MAP4K3: variants seen among roughly 807,000 people sequenced by gnomAD.
MAP4K3 encodes the protein MAPK/ERK kinase kinase kinase 3.
A neutral mutation model predicts 143.5 loss-of-function variants in MAP4K3; 94 were observed. The ratio of observed to expected loss-of-function variants is 0.65; its 90% CI spans 0.55 to 0.78. The LOEUF (loss-of-function observed/expected upper bound fraction) is 0.78, where lower values mean the gene tolerates loss of function less well. MAP4K3 is among the 30% of genes least tolerant of loss of function. The pLI is 0.00. For synonymous variants in MAP4K3, 416 were observed against 347.2 expected, an observed-to-expected ratio of 1.20 and a Z score of -2.20; for missense variants, 1,077 against 1,068.1, an observed-to-expected ratio of 1.01 and a Z score of -0.12.
chr2:39,418,003 C>T (rs1667431479), intron 1 of MAP4K3, among the ~76,000 whole-genome samples: 1 of 152,038 alleles, frequency 6.6e-6, no homozygotes, highest in South Asian at 2.1e-4. Context: ...GAGACAAAGA[C>T]CATCCTGGCC....
chr2:39,426,513 T>C (rs543888088), intron 1 of MAP4K3, among the ~76,000 whole-genome samples: 1 of 152,036 alleles, frequency 6.6e-6, no homozygotes. Flanking sequence ...AGAATACACA[T>C]CAAAGTATTT....
At chr2:39,293,391 T>C in intron 16 of MAP4K3, 123 bp from the exon 17 acceptor site, 1 of 665,706 alleles carries the variant, frequency 1.5e-6, no homozygotes, top group Non-Finnish European at 2.5e-6. Context: ...TACCATTTAC[T>C]GAAAATTTGC....
intron 29 of MAP4K3, 91 bp downstream of exon 29, chr2:39,260,515 G>T: frequency 1.0e-6 from 1 of 973,194 alleles, no homozygotes. Flanking sequence ...GGCAGTATAT[G>T]CAGTTTTTCC....
chr2:39,345,785 G>C (rs1306037616), intron 3 of MAP4K3, among the ~76,000 whole-genome samples: 5 of 151,868 alleles, frequency 3.3e-5, no homozygotes, highest in African/African-American at 1.2e-4. Context: ...AGCCAGGCGT[G>C]GTGGTGGGTG....
chr2:39,327,182 G>A (rs1022018016), intron 8 of MAP4K3, among the ~76,000 whole-genome samples: 2 of 152,038 alleles, frequency 1.3e-5, no homozygotes, highest in East Asian at 1.9e-4. Flanking sequence ...AAAAAACTGC[G>A]ACCAGGCAAT....
At chr2:39,300,459 T>C (rs2148489128) in intron 15 of MAP4K3, among the ~76,000 whole-genome samples, 1 of 152,294 alleles carries the variant, frequency 6.6e-6, no homozygotes, top group South Asian at 2.1e-4. Context: ...TTTAAAAGGA[T>C]GAACAGTACA....
chr2:39,397,318 G>T (rs1666836287), intron 1 of MAP4K3, among the ~76,000 whole-genome samples: 3 of 152,012 alleles, frequency 2.0e-5, no homozygotes, highest in African/African-American at 4.8e-5. Context: ...AATATACAAA[G>T]ATCAATAATC....
In MAP4K3 at chr2:39,272,499, C is replaced by G. The variant is rs764517111; in HGVS notation, c.1838G>C (p.Cys613Ser). 4.3e-6 allele frequency: 7 copies of G among 1,612,974 alleles called. No individual in the cohort carries two copies. In the South Asian group the frequency reaches 6.6e-5, roughly 15 times the overall value. The change falls in exon 25 of 34, where the codon TGC becomes TCC. Residue 613 changes from cysteine to serine, a missense_variant. Coordinates refer to ENST00000263881, the MANE Select transcript of MAP4K3 (RefSeq NM_003618.4). ...ATACTTACCAGATATTGATAGCAAG[C>G]AATTGTTCATTACATACAACCATGT... is the stretch of plus-strand genomic sequence containing the variant. ...RCTWLYVMNNCLLSISGKASQ... is the reference protein window; with the variant it reads ...RCTWLYVMNNSLLSISGKASQ...
At chr2:39,292,713 T>C (rs769045581) in intron 18 of MAP4K3, 60 bp downstream of exon 18, 4 of 1,342,218 alleles carry the variant, frequency 3.0e-6, no homozygotes, top group Middle Eastern at 1.9e-4. Context: ...AGCTGCCAGA[T>C]TGATGAAATC....
chr2:39,420,409 TA>T (rs1349313314), intron 1 of MAP4K3, among the ~76,000 whole-genome samples: 1 of 152,186 alleles, frequency 6.6e-6, no homozygotes, highest in African/African-American at 2.4e-5. Flanking sequence ...ATGAATTCCA[TA>T]TTTTTTTTAA....
In MAP4K3 at chr2:39,288,121, C is replaced by G; in HGVS notation, c.1474G>C (p.Gly492Arg). The G allele has an allele frequency of 6.2e-7, 1 of 1,613,836 alleles. No individual in the cohort carries two copies. The highest frequency in any genetic ancestry group is 8.5e-7 in the Non-Finnish European group (1 of 1,179,892). Residue 492 changes from glycine (G) to arginine (R), a missense_variant and splice_region_variant, in exon 20 of 34, where the codon GGA becomes CGA. Gly to Arg is a moderately radical substitution (Grantham distance 125). This residue lies in a region of MAP4K3 where 864 missense variants were observed against 801.2 expected (regional missense o/e 1.08). Coordinates refer to ENST00000263881, the MANE Select transcript of MAP4K3 (RefSeq NM_003618.4). ...ATTTGCTGTCACCCTCCACCATTAC[C>G]TAAGGCAACAGGTTTGTGTGGGGGT... ...RLPPHKPVAL[G>R]NGMSSFQLNG...
At chr2:39,377,778 C>A (rs2148580531) in intron 2 of MAP4K3, among the ~76,000 whole-genome samples, 1 of 152,322 alleles carries the variant, frequency 6.6e-6, no homozygotes, top group South Asian at 2.1e-4. Context: ...TGGAAATAAA[C>A]CACTATCAGC....
chr2:39,356,742 A>G (rs539680215), intron 2 of MAP4K3, among the ~76,000 whole-genome samples: 12 of 152,350 alleles, frequency 7.9e-5, no homozygotes, highest in Admixed American at 2.0e-4. Flanking sequence ...AGTGCCTGGC[A>G]TGGAGTATGC....
chr2:39,337,814 G>A (rs774609832), intron 4 of MAP4K3, among the ~76,000 whole-genome samples: 1 of 138,838 alleles, frequency 7.2e-6, no homozygotes, highest in Non-Finnish European at 1.5e-5. Context: ...CCAGGCTGGA[G>A]TGTAGTGCAA....
At position 39,286,433 on chromosome 2, in the gene MAP4K3, C is replaced by A. The variant is rs1681780657; in HGVS notation, c.1587+419G>T. 2.0e-5 allele frequency among the ~76,000 whole-genome samples: 3 copies of A among 152,194 alleles called. No homozygotes were observed. In the South Asian group the frequency reaches 6.2e-4, roughly 32 times the overall value. Reference sequence around the variant, plus strand: ...CCTGATCTATAGTTAGAAATTTGTCCTGGGGTAGAAGCTACAGCTTTCTTT... The same window carrying A: ...CCTGATCTATAGTTAGAAATTTGTCATGGGGTAGAAGCTACAGCTTTCTTT... On this transcript the variant is annotated intron_variant, in intron 21 of 33. Coordinates refer to ENST00000263881, the MANE Select transcript of MAP4K3 (RefSeq NM_003618.4).
intron 29 of MAP4K3, among the ~76,000 whole-genome samples, chr2:39,259,351 T>C (rs1354717006): frequency 1.3e-5 from 2 of 152,104 alleles, no homozygotes; most frequent in Non-Finnish European, 2.9e-5. Flanking sequence ...ATGTCACAAG[T>C]CTCCCAGTGA....
chr2:39,252,732 A>C (rs771736518), intron 32 of MAP4K3, among the ~76,000 whole-genome samples: 2 of 152,216 alleles, frequency 1.3e-5, no homozygotes, highest in Non-Finnish European at 2.9e-5. Flanking sequence ...TTATTCCATC[A>C]ATACCCCTAC....
intron 3 of MAP4K3, among the ~76,000 whole-genome samples, chr2:39,353,797 T>C (rs927297448): frequency 1.4e-4 from 21 of 152,298 alleles, no homozygotes; most frequent in Non-Finnish European, 2.4e-4. Flanking sequence ...CAAATACCTA[T>C]TGAGCATTTA....
At chr2:39,291,998 C>G (rs943557472) in intron 18 of MAP4K3, among the ~76,000 whole-genome samples, 6 of 151,756 alleles carry the variant, frequency 4.0e-5, no homozygotes, top group Admixed American at 2.6e-4. Context: ...AACTGCTACT[C>G]AAGTGCTCTT....
Sources: gnomAD v4.1 joint callset for allele counts (sites outside exome capture counted in the v4.1 genomes callset) on GRCh38, gnomAD v4.1.1 for gene constraint, gnomAD v4.1.1 regional missense constraint, MANE v1.5 for transcripts, NCBI Gene and HGNC (gene_info 2026-07-23, HGNC 2026-07-21) for gene names.